Variants in FRMPD4 observed in about 807,000 individuals in gnomAD.
The protein encoded by FRMPD4 is FERM and PDZ domain containing 4, also known as FERM and PDZ domain-containing protein 4.
Under a neutral mutation model 94.1 loss-of-function variants are expected in FRMPD4, and 22 were observed. The ratio of observed to expected loss-of-function variants is 0.23; its 90% CI spans 0.17 to 0.33. FRMPD4 has a LOEUF of 0.33. Ranked by LOEUF, FRMPD4 falls within the 10% of genes least tolerant of loss-of-function variation. The pLI, the probability that FRMPD4 is intolerant of heterozygous loss-of-function variation, is 1.00. For missense variants in FRMPD4, 1,111 were observed against 1,339.9 expected (o/e 0.83, Z 2.67); for synonymous variants, 631 against 548.6 (o/e 1.15, Z -2.10).
At chrX:12,603,922 G>A (rs60043302) in intron 2 of FRMPD4, among the ~76,000 whole-genome samples, 9,865 of 110,370 alleles carry the variant, frequency 0.089, 1,131 homozygotes, top group African/African-American at 0.31. Context: ...GAAAAGAGAC[G>A]GGGGTTGATT....
intron 2 of FRMPD4, among the ~76,000 whole-genome samples, chrX:12,579,654 T>G (rs1370867): frequency 0.021 from 2,370 of 111,738 alleles, 71 homozygotes; most frequent in African/African-American, 0.074. Context: ...ACCCATAGAT[T>G]TTTTTTAGAC....
At chrX:11,950,376 T>C (rs967238456) in intron 3 of FRMPD4, among the ~76,000 whole-genome samples, 1 of 101,918 alleles carries the variant, frequency 9.8e-6, no homozygotes, top group Non-Finnish European at 2.0e-5. Flanking sequence ...CACAAGTACA[T>C]TACCTCACTT....
At chrX:12,571,357 T>C (rs947687444) in intron 2 of FRMPD4, among the ~76,000 whole-genome samples, 1 of 112,756 alleles carries the variant, frequency 8.9e-6, no homozygotes, top group African/African-American at 3.2e-5. Context: ...GGATGTACTT[T>C]TTTGTTAACT....
At position 12,546,830 on chromosome X, in the gene FRMPD4, T is replaced by A. The variant is rs759098410; in HGVS notation, c.158+48034T>A. ...AGGTGGGTCCAGCTGAGGCTTTACC[T>A]GGCACTGACCGTGTCCTCCTCCATT... On this transcript the variant is annotated intron_variant, in intron 2 of 16. Coordinates refer to ENST00000675598, the MANE Select transcript of FRMPD4 (RefSeq NM_001368397.1). Among the ~76,000 whole-genome samples the A allele has an allele frequency of 2.8e-5, 3 of 108,670 alleles. No homozygotes were observed. In the South Asian group the frequency reaches 1.2e-3, roughly 45 times the overall value. The allele number at this position is 108,670 out of a possible 115,157, so 94.4% of individuals were successfully genotyped here.
At chrX:12,597,073 C>G (rs969989692) in intron 2 of FRMPD4, among the ~76,000 whole-genome samples, 5 of 112,076 alleles carry the variant, frequency 4.5e-5, no homozygotes, top group Non-Finnish European at 9.4e-5. Flanking sequence ...TTCAGCATCT[C>G]TATCAACCCA....
chrX:12,422,077 TATC>T (rs2056890907), intron 1 of FRMPD4, among the ~76,000 whole-genome samples: 1 of 112,305 alleles, frequency 8.9e-6, no homozygotes. Flanking sequence ...TTTCCGGTAT[TATC>T]ATTTAATGTG....
intron 1 of FRMPD4, among the ~76,000 whole-genome samples, chrX:12,355,154 T>C (rs1480910004): frequency 9.1e-6 from 1 of 110,117 alleles, no homozygotes; most frequent in East Asian, 2.8e-4. Flanking sequence ...GGTTTATGTC[T>C]ATACTTGTAG....
chrX:12,304,630 C>T (rs772227002), intron 1 of FRMPD4, among the ~76,000 whole-genome samples: 28 of 109,090 alleles, frequency 2.6e-4, no homozygotes, highest in African/African-American at 9.4e-4. Flanking sequence ...TGTCACTGTT[C>T]CTTATCAACA....
At chrX:11,953,311 T>G (rs1160972093) in intron 3 of FRMPD4, among the ~76,000 whole-genome samples, 1 of 111,912 alleles carries the variant, frequency 8.9e-6, no homozygotes, top group Non-Finnish European at 1.9e-5. Flanking sequence ...GGGAAACTTT[T>G]TTTTAACCCT....
At chrX:12,473,376 A>AC (rs1203499680) in intron 1 of FRMPD4, among the ~76,000 whole-genome samples, 2 of 110,239 alleles carry the variant, frequency 1.8e-5, no homozygotes, top group Admixed American at 1.9e-4. Context: ...AATTGTAAAG[A>AC]CCATCAAGGC....
chrX:12,258,460 C>G (rs758297349), intron 1 of FRMPD4, among the ~76,000 whole-genome samples: 2 of 111,095 alleles, frequency 1.8e-5, no homozygotes, highest in East Asian at 5.7e-4. Context: ...AGTCCCTCAC[C>G]AAATGTGGCC....
intron 1 of FRMPD4, among the ~76,000 whole-genome samples, chrX:12,411,319 GT>G (rs1299268858): frequency 8.9e-6 from 1 of 112,297 alleles, no homozygotes; most frequent in Non-Finnish European, 1.9e-5. Flanking sequence ...ATATGAAAAT[GT>G]GTTCACTTCT....
At chrX:12,117,796 C>A (rs1198200363) in intron 3 of FRMPD4, among the ~76,000 whole-genome samples, 2 of 111,953 alleles carry the variant, frequency 1.8e-5, no homozygotes, top group Non-Finnish European at 3.8e-5. Context: ...CTACTGACTT[C>A]TCTTTTACAT....
At chrX:11,880,688 G>C (rs948365274) in intron 3 of FRMPD4, among the ~76,000 whole-genome samples, 1 of 111,262 alleles carries the variant, frequency 9.0e-6, no homozygotes, top group Non-Finnish European at 1.9e-5. Context: ...TGTCACCCAG[G>C]CTGGAATACA....
At chrX:12,240,174 G>T (rs1231023947) in intron 1 of FRMPD4, among the ~76,000 whole-genome samples, 2 of 112,477 alleles carry the variant, frequency 1.8e-5, no homozygotes, top group Non-Finnish European at 3.8e-5. Flanking sequence ...GTGCTACAGT[G>T]GTAGAGTTGA....
intron 3 of FRMPD4, among the ~76,000 whole-genome samples, chrX:12,038,519 A>T (rs750860248): frequency 9.0e-4 from 101 of 112,122 alleles, no homozygotes; most frequent in African/African-American, 3.2e-3. Flanking sequence ...ATTGAAGAAA[A>T]ACAATTTGAT....
intron 1 of FRMPD4, among the ~76,000 whole-genome samples, chrX:12,196,108 A>G (rs919027173): frequency 2.7e-5 from 3 of 112,242 alleles, no homozygotes; most frequent in Non-Finnish European, 5.6e-5. Flanking sequence ...TTGGCATGCT[A>G]TCCACAATAA....
intron 3 of FRMPD4, among the ~76,000 whole-genome samples, chrX:12,037,319 A>G (rs2054725690): frequency 8.9e-6 from 1 of 111,911 alleles, no homozygotes; most frequent in African/African-American, 3.2e-5. Flanking sequence ...ATTATGACAA[A>G]TGTATATAGT....
At chrX:12,502,389 AAG>A (rs2057931698) in intron 2 of FRMPD4, among the ~76,000 whole-genome samples, 1 of 111,857 alleles carries the variant, frequency 8.9e-6, no homozygotes, top group Non-Finnish European at 1.9e-5. Flanking sequence ...ATTACCAGTT[AAG>A]AGAGAGCAGA....
Sources: gnomAD v4.1 joint callset for allele counts (sites outside exome capture counted in the v4.1 genomes callset) on GRCh38, gnomAD v4.1.1 for gene constraint, MANE v1.5 for transcripts, NCBI Gene and HGNC (gene_info 2026-07-23, HGNC 2026-07-21) for gene names.